CLCN3: variants seen among roughly 807,000 people sequenced by gnomAD.
CLCN3 encodes H(+)/Cl(-) exchange transporter 3.
Under a neutral mutation model 83.4 loss-of-function variants are expected in CLCN3, and 16 were observed. That is an observed-to-expected ratio of 0.19 (90% CI 0.13 to 0.29). CLCN3 has a LOEUF of 0.29. CLCN3 is among the 10% of genes least tolerant of loss of function. The pLI, the probability that CLCN3 is intolerant of heterozygous loss-of-function variation, is 1.00. For missense variants in CLCN3, 544 were observed against 1,006.0 expected, an observed-to-expected ratio of 0.54 and a Z score of 6.21; for synonymous variants, 322 against 346.2, an observed-to-expected ratio of 0.93 and a Z score of 0.78.
At chr4:169,660,439 C>A in intron 2 of CLCN3, 2 of 1,371,104 alleles carry the variant, frequency 1.5e-6, no homozygotes, top group Non-Finnish European at 1.9e-6. Flanking sequence ...GAGGGAATTA[C>A]ATAAAAGAGG....
chr4:169,702,777 C>CCA (rs779128409), intron 9 of CLCN3: 1 of 236,990 alleles, frequency 4.2e-6, no homozygotes, highest in Non-Finnish European at 8.4e-6. Flanking sequence ...CCCATCTCTA[C>CCA]AAAAAAAAAA....
chr4:169,636,638 A>C (rs751413664), intron 2 of CLCN3, among the ~76,000 whole-genome samples: 4 of 152,108 alleles, frequency 2.6e-5, no homozygotes, highest in Non-Finnish European at 2.9e-5. Context: ...TGTCGTGTAT[A>C]GCAATAGTTA....
intron 11 of CLCN3, among the ~76,000 whole-genome samples, chr4:169,710,167 A>G (rs1733154405): frequency 6.6e-6 from 1 of 152,210 alleles, no homozygotes; most frequent in African/African-American, 2.4e-5. Flanking sequence ...ATATTGTGGA[A>G]TGGTTAAATC....
rs939038342 is a variant in CLCN3 at position 169,722,281 on chromosome 4, C to G, written c.*2284C>G. 3.3e-5 allele frequency: 5 copies of G among 152,194 alleles called. No individual in the cohort carries two copies. The highest frequency in any genetic ancestry group is 1.2e-4 in the African/African-American group (5 of 41,436). 9.4% of individuals were successfully genotyped at this position (152,194 alleles called of 1,614,324 possible). Reference sequence around the variant, plus strand: ...ATAAGAATGAGGATTGAAAGTTGAGCAAAATTTTCGGGATTTTGGGAAACA... The same window carrying G: ...ATAAGAATGAGGATTGAAAGTTGAGGAAAATTTTCGGGATTTTGGGAAACA... On this transcript the variant is annotated 3_prime_UTR_variant, in exon 13 of 13. Transcript: ENST00000513761.
intron 1 of CLCN3, among the ~76,000 whole-genome samples, chr4:169,631,388 G>T (rs1444172743): frequency 6.6e-6 from 1 of 152,118 alleles, no homozygotes; most frequent in Admixed American, 6.5e-5. Context: ...CTGGTTTCAC[G>T]CCATTCTCCT....
intron 12 of CLCN3, among the ~76,000 whole-genome samples, chr4:169,716,783 C>T (rs955197164): frequency 1.6e-4 from 25 of 152,004 alleles, no homozygotes; most frequent in African/African-American, 5.6e-4. Flanking sequence ...TACACCTGGA[C>T]GTAGCTATAG....
At position 169,707,226 on chromosome 4, in the gene CLCN3, A is replaced by G. The variant is rs1204045487; in HGVS notation, c.2109A>G (p.Leu703=). 1.2e-6 allele frequency: 2 copies of G among 1,613,232 alleles called. No individual in the cohort carries two copies. The highest frequency in any genetic ancestry group is 2.7e-5 in the African/African-American group (2 of 74,918). ...TAATGTCAAAAGAATCTCAGAGATTAGTGGGATTTGCCCTCAGAAGAGACC... is the reference window on the plus strand; with the variant it reads ...TAATGTCAAAAGAATCTCAGAGATTGGTGGGATTTGCCCTCAGAAGAGACC... ...PVIMSKESQR[L]VGFALRRDLT... The change falls in exon 11 of 13, where the codon TTA becomes TTG. Residue 703 remains leucine (L), a synonymous_variant. Coordinates refer to ENST00000513761, the MANE Select transcript of CLCN3 (RefSeq NM_001829.4).
chr4:169,695,707 T>G lies in CLCN3; in HGVS notation c.1017+15T>G. ...GCCTGGAAGAGGTAGGTGAAAAGAA[T>G]ACAACAATTAAAATTATATATAATT... On this transcript the variant is annotated intron_variant, in intron 8 of 12. Transcript: ENST00000513761. 6.5e-7 allele frequency: 1 copy of G among 1,537,242 alleles called. No homozygotes were observed. Among genetic ancestry groups the G allele is most frequent in the Non-Finnish European group, 9.0e-7 (1 of 1,115,202 alleles).
At chr4:169,717,717 A>T in intron 12 of CLCN3, 1 of 928,008 alleles carries the variant, frequency 1.1e-6, no homozygotes, top group Non-Finnish European at 1.7e-6. Flanking sequence ...TTTTTCTCTC[A>T]TTCTTTATCA....
intron 2 of CLCN3, among the ~76,000 whole-genome samples, chr4:169,663,314 T>TTTTG (rs1553967665): frequency 7.6e-6 from 1 of 131,106 alleles, no homozygotes; most frequent in Admixed American, 7.1e-5. Flanking sequence ...AGTGGGTTTT[T>TTTTG]TTGTTGTTGT....
intron 2 of CLCN3, among the ~76,000 whole-genome samples, chr4:169,637,836 T>G (rs1730273787): frequency 6.6e-6 from 1 of 152,184 alleles, no homozygotes. Flanking sequence ...CCCCACACCA[T>G]TTGTTGGAAA....
At chr4:169,659,235 G>C (rs1730972500) in intron 2 of CLCN3, among the ~76,000 whole-genome samples, 1 of 152,160 alleles carries the variant, frequency 6.6e-6, no homozygotes, top group Non-Finnish European at 1.5e-5. Flanking sequence ...CTCAGAGGTA[G>C]CTATAAAATA....
chr4:169,715,977 G>A (rs910530559), intron 12 of CLCN3, among the ~76,000 whole-genome samples: 42 of 152,086 alleles, frequency 2.8e-4, no homozygotes, highest in Non-Finnish European at 1.9e-4. Context: ...TTCCAGACTT[G>A]TTTGAAAATG....
chr4:169,710,516 T>A (rs1418078581), intron 11 of CLCN3, among the ~76,000 whole-genome samples: 1 of 152,212 alleles, frequency 6.6e-6, no homozygotes, highest in East Asian at 1.9e-4. Context: ...TCCACCTGCC[T>A]CAGCCTCCTG....
intron 2 of CLCN3, among the ~76,000 whole-genome samples, chr4:169,652,478 A>C (rs1352415790): frequency 6.6e-6 from 1 of 152,216 alleles, no homozygotes; most frequent in Non-Finnish European, 1.5e-5. Context: ...TGGTTGCTCT[A>C]AACTATTATA....
chr4:169,670,830 C>T (rs566380221), intron 2 of CLCN3, among the ~76,000 whole-genome samples: 6 of 152,100 alleles, frequency 3.9e-5, no homozygotes, highest in Admixed American at 2.0e-4. Flanking sequence ...AGGTCCTTCA[C>T]GTCTCTTTTA....
chr4:169,715,834 G>A (rs1334780594), intron 12 of CLCN3, among the ~76,000 whole-genome samples: 1 of 151,854 alleles, frequency 6.6e-6, no homozygotes, highest in Non-Finnish European at 1.5e-5. Flanking sequence ...AAAACATTTT[G>A]TGACTGTCTA....
chr4:169,660,445 A>C (rs1390225944), intron 2 of CLCN3: 2 of 1,366,870 alleles, frequency 1.5e-6, no homozygotes, highest in Non-Finnish European at 1.9e-6. Context: ...ATTACATAAA[A>C]GAGGTAATAC....
intron 2 of CLCN3, among the ~76,000 whole-genome samples, chr4:169,668,320 T>C (rs1581226860): frequency 6.6e-6 from 1 of 152,078 alleles, no homozygotes; most frequent in South Asian, 2.1e-4. Flanking sequence ...CACGTGGCTT[T>C]CCTGATGAAA....
Sources: allele counts gnomAD v4.1 joint callset (sites outside exome capture counted in the v4.1 genomes callset), GRCh38; gene constraint gnomAD v4.1.1; transcripts MANE v1.5; gene names NCBI Gene and HGNC (gene_info 2026-07-23, HGNC 2026-07-21).